The following SLIT2 variants were observed in gnomAD, a reference collection of about 807,000 sequenced individuals.
SLIT2 encodes the protein slit guidance ligand 2.
Under a neutral mutation model 185.7 loss-of-function variants are expected in SLIT2, and 41 were observed. The observed-to-expected ratio is 0.22, with a 90% confidence interval of 0.17 to 0.29. The LOEUF (loss-of-function observed/expected upper bound fraction) is 0.29, where lower values mean the gene tolerates loss of function less well. Ranked by LOEUF, SLIT2 falls within the 10% of genes least tolerant of loss-of-function variation. The probability of loss-of-function intolerance (pLI) is 1.00; values close to 1 mark genes in which losing one functional copy is unlikely to be tolerated. For synonymous variants in SLIT2, 693 were observed against 680.2 expected, an observed-to-expected ratio of 1.02 and a Z score of -0.29; for missense variants, 1,571 against 1,909.0, an observed-to-expected ratio of 0.82 and a Z score of 3.30.
At chr4:20,278,195 T>G (rs1351274758) in intron 4 of SLIT2, among the ~76,000 whole-genome samples, 1 of 152,132 alleles carries the variant, frequency 6.6e-6, no homozygotes, top group Non-Finnish European at 1.5e-5. Context: ...ATACACTGTT[T>G]ATGTTCACAC....
intron 4 of SLIT2, among the ~76,000 whole-genome samples, chr4:20,456,466 T>C (rs577621220): frequency 3.9e-5 from 6 of 152,158 alleles, no homozygotes; most frequent in Non-Finnish European, 7.4e-5. Flanking sequence ...AAGCACTTCC[T>C]GATTTGCATG....
intron 29 of SLIT2, among the ~76,000 whole-genome samples, chr4:20,586,356 C>T (rs1727061788): frequency 6.6e-6 from 1 of 151,346 alleles, no homozygotes; most frequent in African/African-American, 2.5e-5. Flanking sequence ...GAGTTGATTA[C>T]AGGTCAACAA....
At chr4:20,351,992 A>G (rs1432829486) in intron 4 of SLIT2, among the ~76,000 whole-genome samples, 1 of 152,170 alleles carries the variant, frequency 6.6e-6, no homozygotes, top group Non-Finnish European at 1.5e-5. Context: ...GTGTTTTTAA[A>G]TCATGCACAT....
intron 19 of SLIT2, among the ~76,000 whole-genome samples, chr4:20,539,927 G>A (rs1722657020): frequency 1.3e-5 from 2 of 152,100 alleles, no homozygotes; most frequent in African/African-American, 2.4e-5. Flanking sequence ...TCACATTGGA[G>A]TATTTTCAGT....
At chr4:20,506,824 A>G (rs1719253952) in intron 9 of SLIT2, among the ~76,000 whole-genome samples, 1 of 152,042 alleles carries the variant, frequency 6.6e-6, no homozygotes, top group South Asian at 2.1e-4. Context: ...CCTGCTTGAG[A>G]ATCTGTCCCT....
chr4:20,354,097 T>G (rs1263430003), intron 4 of SLIT2, among the ~76,000 whole-genome samples: 1 of 152,176 alleles, frequency 6.6e-6, no homozygotes, highest in Non-Finnish European at 1.5e-5. Context: ...TGCTAAAAAT[T>G]TTTAAGAAAT....
chr4:20,585,393 A>G (rs1726972890), intron 29 of SLIT2, among the ~76,000 whole-genome samples: 1 of 152,224 alleles, frequency 6.6e-6, no homozygotes, highest in African/African-American at 2.4e-5. Context: ...TCAAAAGTGA[A>G]ATCACAAATG....
At chr4:20,475,767 G>C (rs1716034501) in intron 5 of SLIT2, among the ~76,000 whole-genome samples, 1 of 151,980 alleles carries the variant, frequency 6.6e-6, no homozygotes, top group Admixed American at 6.6e-5. Flanking sequence ...ACAATTCCCA[G>C]GACTTAATGT....
chr4:20,352,827 C>T (rs182157467), intron 4 of SLIT2, among the ~76,000 whole-genome samples: 6 of 152,056 alleles, frequency 3.9e-5, no homozygotes, highest in Admixed American at 1.3e-4. Context: ...GTGGGAGAAT[C>T]GCTTGAACCT....
Position 20,296,545 on chromosome 4 carries a change from C to G in SLIT2, c.395+27664C>G, listed in dbSNP as rs114479725. 9.7e-3 allele frequency among the ~76,000 whole-genome samples: 1,482 copies of G among 152,320 alleles called. 26 individuals carry two copies. The highest frequency in any genetic ancestry group is 0.033 in the African/African-American group (1,384 of 41,568). On this transcript the variant is annotated intron_variant, in intron 4 of 36. Transcript: ENST00000504154. ...AGTGATTGACAGGTAAACAACCCCA[C>G]TGTGGCCTTATATTCCATTCTGTGA...
intron 26 of SLIT2, among the ~76,000 whole-genome samples, chr4:20,566,042 G>C (rs1322903970): frequency 6.6e-6 from 1 of 152,012 alleles, no homozygotes; most frequent in African/African-American, 2.4e-5. Flanking sequence ...AACAACGCAA[G>C]CGTGGGCTGT....
chr4:20,525,170 C>T lies in SLIT2; in HGVS notation c.1460C>T (p.Pro487Leu), dbSNP rs1246218343. 1.2e-6 allele frequency: 2 copies of T among 1,608,658 alleles called. No individual in the cohort carries two copies. The highest frequency in any genetic ancestry group is 1.7e-5 in the Admixed American group (1 of 59,976). The change falls in exon 15 of 37, where the codon CCA (proline) becomes CTA (leucine). Residue 487 changes from proline to leucine, a missense_variant and splice_region_variant. Physicochemically the swap from Pro to Leu is moderately conservative, Grantham distance 98. Transcript: ENST00000504154. ...RCSAKEQYFIPGTEDYRSKLS... is the reference protein window; with the variant it reads ...RCSAKEQYFILGTEDYRSKLS... ...TTAGCTAAAGAACAGTATTTCATTC[C>T]AGGTAGGTTTTGCTCGGTAGTAGGA...
intron 11 of SLIT2, among the ~76,000 whole-genome samples, chr4:20,514,682 C>T (rs1241141380): frequency 2.0e-5 from 3 of 148,982 alleles, no homozygotes; most frequent in African/African-American, 7.3e-5. Context: ...GTTATTAGAT[C>T]ACCAAATTTC....
At chr4:20,261,665 T>C (rs554474861) in intron 3 of SLIT2, among the ~76,000 whole-genome samples, 1 of 151,986 alleles carries the variant, frequency 6.6e-6, no homozygotes, top group East Asian at 1.9e-4. Flanking sequence ...TGAGAAAGTT[T>C]TTGAAATTTT....
intron 5 of SLIT2, among the ~76,000 whole-genome samples, chr4:20,472,996 A>G (rs773434685): frequency 5.3e-5 from 8 of 151,848 alleles, no homozygotes; most frequent in African/African-American, 4.8e-5. Flanking sequence ...CACATCACAA[A>G]AACAAAATCT....
At chr4:20,563,723 A>G (rs966502788) in intron 26 of SLIT2, among the ~76,000 whole-genome samples, 13 of 151,790 alleles carry the variant, frequency 8.6e-5, no homozygotes, top group African/African-American at 3.1e-4. Flanking sequence ...ATTTGGACAA[A>G]CAAGAAAATG....
intron 29 of SLIT2, 24 bp from the exon 30 acceptor site, chr4:20,589,620 C>A: frequency 6.3e-7 from 1 of 1,589,998 alleles, no homozygotes; most frequent in Non-Finnish European, 8.6e-7. Flanking sequence ...TTTCTATGAG[C>A]TAACACTGTT....
intron 34 of SLIT2, among the ~76,000 whole-genome samples, chr4:20,610,834 C>T (rs1260426365): frequency 6.6e-6 from 1 of 152,118 alleles, no homozygotes; most frequent in East Asian, 1.9e-4. Flanking sequence ...GACTTGAAAT[C>T]ATAGAGTGAA....
At chr4:20,453,543 A>T (rs1440365388) in intron 4 of SLIT2, among the ~76,000 whole-genome samples, 2 of 152,168 alleles carry the variant, frequency 1.3e-5, no homozygotes, top group Admixed American at 6.6e-5. Context: ...AGCCCTATGA[A>T]ATGTGTTCTA....
Sources: allele counts gnomAD v4.1 joint callset (sites outside exome capture counted in the v4.1 genomes callset), GRCh38; gene constraint gnomAD v4.1.1; transcripts MANE v1.5; gene names NCBI Gene and HGNC (gene_info 2026-07-23, HGNC 2026-07-21).